Variants in CNTNAP5 observed in about 807,000 individuals in gnomAD.
CNTNAP5 encodes the protein contactin-associated protein-like 5.
A neutral mutation model predicts 150.2 loss-of-function variants in CNTNAP5; 72 were observed. The ratio of observed to expected loss-of-function variants is 0.48; its 90% CI spans 0.40 to 0.58. The LOEUF (loss-of-function observed/expected upper bound fraction) is 0.58, where lower values mean the gene tolerates loss of function less well. Ranked by LOEUF, CNTNAP5 falls within the 20% of genes least tolerant of loss-of-function variation. The pLI, the probability that CNTNAP5 is intolerant of heterozygous loss-of-function variation, is 0.00. For synonymous variants in CNTNAP5, 672 were observed against 619.8 expected, an observed-to-expected ratio of 1.08 and a Z score of -1.25; for missense variants, 1,636 against 1,626.2, an observed-to-expected ratio of 1.01 and a Z score of -0.10.
At chr2:124,876,962 G>A (rs577002958) in intron 21 of CNTNAP5, among the ~76,000 whole-genome samples, 61 of 152,142 alleles carry the variant, frequency 4.0e-4, no homozygotes, top group Middle Eastern at 3.4e-3. Flanking sequence ...TCCCAAACAC[G>A]CATGTCTTAT....
chr2:124,073,466 C>A (rs1179589045), intron 1 of CNTNAP5, among the ~76,000 whole-genome samples: 1 of 152,024 alleles, frequency 6.6e-6, no homozygotes, highest in African/African-American at 2.4e-5. Context: ...ACCCATCTGA[C>A]AAGGGATTAA....
At chr2:124,815,858 C>T (rs189230708) in intron 19 of CNTNAP5, among the ~76,000 whole-genome samples, 10 of 152,180 alleles carry the variant, frequency 6.6e-5, no homozygotes, top group Non-Finnish European at 1.0e-4. Flanking sequence ...TGCTGGGACA[C>T]GATATTCAAC....
intron 1 of CNTNAP5, among the ~76,000 whole-genome samples, chr2:124,095,967 A>C (rs767782481): frequency 6.6e-6 from 1 of 152,222 alleles, no homozygotes; most frequent in Non-Finnish European, 1.5e-5. Context: ...TCAACATTGC[A>C]TAGTGAGCAG....
chr2:124,911,636 C>G (rs1678657461), intron 23 of CNTNAP5, 98 bp downstream of exon 23: 2 of 911,686 alleles, frequency 2.2e-6, no homozygotes, highest in South Asian at 2.9e-5. Context: ...CCATCCAGCA[C>G]TCAGAGCCCC....
chr2:124,066,080 C>T (rs2104658650), intron 1 of CNTNAP5, among the ~76,000 whole-genome samples: 1 of 152,236 alleles, frequency 6.6e-6, no homozygotes, highest in African/African-American at 2.4e-5. Context: ...TGCTTAGGTT[C>T]AGGAAATCTC....
At chr2:124,664,920 C>A (rs1017580927) in intron 13 of CNTNAP5, among the ~76,000 whole-genome samples, 4 of 152,190 alleles carry the variant, frequency 2.6e-5, no homozygotes, top group African/African-American at 9.6e-5. Context: ...CTCCTGACGT[C>A]AGGTGATCCA....
chr2:124,476,070 A>G (rs1558919009), intron 7 of CNTNAP5, among the ~76,000 whole-genome samples: 1 of 152,044 alleles, frequency 6.6e-6, no homozygotes, highest in Non-Finnish European at 1.5e-5. Context: ...TATATTATAT[A>G]TGCATAACTT....
intron 21 of CNTNAP5, among the ~76,000 whole-genome samples, chr2:124,881,415 A>T (rs1376112152): frequency 6.6e-6 from 1 of 152,066 alleles, no homozygotes; most frequent in Non-Finnish European, 1.5e-5. Flanking sequence ...AAATTACAGC[A>T]GATTTTTCCA....
At chr2:124,465,108 T>C (rs1693345745) in intron 6 of CNTNAP5, among the ~76,000 whole-genome samples, 1 of 151,436 alleles carries the variant, frequency 6.6e-6, no homozygotes, top group African/African-American at 2.4e-5. Flanking sequence ...GGAAGTAACA[T>C]CAAAGATTGA....
At chr2:124,111,722 A>G (rs1025665562) in intron 1 of CNTNAP5, among the ~76,000 whole-genome samples, 4 of 152,210 alleles carry the variant, frequency 2.6e-5, no homozygotes, top group African/African-American at 7.2e-5. Context: ...AAAAATTTCT[A>G]TGACATCCCC....
chr2:124,095,352 C>T (rs187839202), intron 1 of CNTNAP5, among the ~76,000 whole-genome samples: 8 of 152,150 alleles, frequency 5.3e-5, no homozygotes, highest in Non-Finnish European at 2.9e-5. Context: ...CATGGGGTGA[C>T]GGGCTAGGGG....
intron 10 of CNTNAP5, among the ~76,000 whole-genome samples, chr2:124,554,474 G>A (rs1695707028): frequency 6.9e-6 from 1 of 145,654 alleles, no homozygotes; most frequent in East Asian, 2.1e-4. Flanking sequence ...AGACTGGAGT[G>A]TAGTGGTGAG....
chr2:124,654,171 G>A (rs193302313), intron 13 of CNTNAP5, among the ~76,000 whole-genome samples: 44 of 152,056 alleles, frequency 2.9e-4, no homozygotes, highest in Non-Finnish European at 5.3e-4. Context: ...GAGGAGCAAG[G>A]GTGGGAGGAA....
At chr2:124,219,729 TTATTA>T (rs1686254746) in intron 1 of CNTNAP5, among the ~76,000 whole-genome samples, 1 of 152,148 alleles carries the variant, frequency 6.6e-6, no homozygotes, top group African/African-American at 2.4e-5. Flanking sequence ...TAATAAGTGA[TTATTA>T]TATGTTTTTT....
At chr2:124,193,038 T>C (rs1162584476) in intron 1 of CNTNAP5, among the ~76,000 whole-genome samples, 1 of 152,194 alleles carries the variant, frequency 6.6e-6, no homozygotes, top group African/African-American at 2.4e-5. Context: ...TGGAAGCCAA[T>C]CCAATTTCTG....
chr2:124,645,982 A>G (rs1430019415), intron 12 of CNTNAP5, among the ~76,000 whole-genome samples: 2 of 152,160 alleles, frequency 1.3e-5, no homozygotes, highest in African/African-American at 2.4e-5. Context: ...GCACCAAGCC[A>G]TGAGGGATCC....
intron 20 of CNTNAP5, among the ~76,000 whole-genome samples, chr2:124,868,100 T>C (rs764933691): frequency 8.5e-5 from 13 of 152,184 alleles, no homozygotes; most frequent in Non-Finnish European, 1.8e-4. Flanking sequence ...GGATTATCAC[T>C]GTTTACAGTT....
chr2:124,050,960 C>T (rs959520421), intron 1 of CNTNAP5, among the ~76,000 whole-genome samples: 3 of 152,030 alleles, frequency 2.0e-5, no homozygotes, highest in Non-Finnish European at 4.4e-5. Flanking sequence ...TGCTTAATCT[C>T]GGATGTGTAG....
intron 11 of CNTNAP5, among the ~76,000 whole-genome samples, chr2:124,586,825 T>C (rs541527419): frequency 1.3e-5 from 2 of 152,330 alleles, no homozygotes; most frequent in South Asian, 2.1e-4. Context: ...TTTGTAAAGA[T>C]TTCCTGGAGA....
Sources: gnomAD v4.1 joint callset for allele counts (sites outside exome capture counted in the v4.1 genomes callset) on GRCh38, gnomAD v4.1.1 for gene constraint, MANE v1.5 for transcripts, NCBI Gene and HGNC (gene_info 2026-07-23, HGNC 2026-07-21) for gene names.